Variants in SPINDOC observed in about 807,000 individuals in gnomAD.
SPINDOC encodes the protein spindlin interactor and repressor of chromatin-binding protein.
A neutral mutation model predicts 30.7 loss-of-function variants in SPINDOC; 13 were observed. The observed-to-expected ratio is 0.42, with a 90% CI of 0.28 to 0.67. The LOEUF is 0.67. Among genes scored for constraint, SPINDOC ranks in the 30% least tolerant of loss-of-function variants. SPINDOC has a pLI of 0.22. For synonymous variants in SPINDOC, 228 were observed against 211.4 expected (o/e 1.08, Z -0.68); for missense variants, 438 against 518.0 (o/e 0.85, Z 1.50).
Position 63,827,191 on chromosome 11 carries a change from G to A in SPINDOC, c.*52G>A. ...AGGGATGAGGCAGCGTCCCCCAGTG[G>A]CTTATAACTCAGAGCTGCCTGGCTC... On this transcript the variant is annotated 3_prime_UTR_variant, in exon 6 of 6. Transcript: ENST00000294244. The A allele has an allele frequency of 6.3e-7, 1 of 1,593,796 alleles. No homozygotes were observed. Among genetic ancestry groups the A allele is most frequent in the East Asian group, 2.3e-5 (1 of 44,244 alleles).
rs1193227262 is a variant in SPINDOC at position 63,818,235 on chromosome 11, C to T, written c.477C>T (p.His159=). The T allele has an allele frequency of 1.9e-6, 3 of 1,613,996 alleles. No homozygotes were observed. The highest frequency in any genetic ancestry group is 4.5e-5 in the East Asian group (2 of 44,884). ...CTGCAGACTCGGGCCAGGATGCCCA[C>T]CCAGACCCAGACGCCAACCCAGACG... is the stretch of plus-strand genomic sequence containing the variant. ...PPNSDSGQDA[H]PDPDANPDAA... is the part of the protein sequence containing the mutation. Residue 159 remains histidine, a synonymous_variant, in exon 3 of 6, where the codon CAC becomes CAT. Transcript: ENST00000294244. This position sits in a 1 kb window ranked among gnomAD's most constrained non-coding sequence, Gnocchi z 5.3.
chr11:63,818,987 G>T lies in SPINDOC; in HGVS notation c.919G>T (p.Glu307Ter). 6.2e-7 allele frequency: 1 copy of T among 1,613,712 alleles called. No individual in the cohort carries two copies. Residue 307 changes from glutamate (E) to a stop codon, truncating the protein, a stop_gained, in exon 5 of 6, where the codon GAG becomes TAG. Transcript: ENST00000294244. LOFTEE classifies it high-confidence loss of function. The surrounding 1 kb of genome is among the most constrained non-coding windows in gnomAD (Gnocchi z 5.3). ...EVAEGGLPRA[E>*]SPSPAPPPGL... ...GGCAGAAGGAGGCCTTCCCCGGGCG[G>T]AGAGCCCCTCTCCAGGTGAGCCCTC...
At chr11:63,823,010 T>C in intron 5 of SPINDOC, 1 of 1,045,434 alleles carries the variant, frequency 9.6e-7, no homozygotes, top group Admixed American at 2.4e-5. Context: ...AGGTTGGAGA[T>C]GCCTGGGAAA....
chr11:63,822,748 C>T, intron 5 of SPINDOC: 1 of 1,289,046 alleles, frequency 7.8e-7, no homozygotes, highest in Non-Finnish European at 1.0e-6. Flanking sequence ...AATGGCTGAC[C>T]TCTTCCACTG....
intron 5 of SPINDOC, chr11:63,822,747 C>T (rs931385678): frequency 3.9e-6 from 5 of 1,288,904 alleles, no homozygotes; most frequent in Non-Finnish European, 5.1e-6. Flanking sequence ...AAATGGCTGA[C>T]CTCTTCCACT....
At chr11:63,813,939 C>T (rs969130642) in intron 1 of SPINDOC, 126 bp downstream of exon 1, 12 of 1,244,296 alleles carry the variant, frequency 9.6e-6, no homozygotes, top group African/African-American at 6.2e-5. Flanking sequence ...CCCAGGTTTC[C>T]CTCTCGGATC....
intron 1 of SPINDOC, among the ~76,000 whole-genome samples, chr11:63,814,324 C>T (rs1420443021): frequency 1.3e-5 from 2 of 152,238 alleles, no homozygotes; most frequent in Non-Finnish European, 2.9e-5. Flanking sequence ...GCCCACCACC[C>T]CGCTTCATTC....
chr11:63,823,023 A>G (rs970272167), intron 5 of SPINDOC: 12 of 1,052,662 alleles, frequency 1.1e-5, no homozygotes, highest in Non-Finnish European at 1.4e-5. Flanking sequence ...CTGGGAAACC[A>G]TAGAGGATAC....
chr11:63,826,719 G>A (rs1316014652), intron 5 of SPINDOC, among the ~76,000 whole-genome samples: 2 of 152,200 alleles, frequency 1.3e-5, no homozygotes, highest in East Asian at 1.9e-4. Flanking sequence ...GGGAGGCTGT[G>A]CGCCTCATTT....
chr11:63,814,072 C>T (rs897875452), intron 1 of SPINDOC, among the ~76,000 whole-genome samples: 1 of 152,242 alleles, frequency 6.6e-6, no homozygotes, highest in African/African-American at 2.4e-5. Flanking sequence ...ACGCCCCGCA[C>T]GCTCCGGATC....
chr11:63,820,211 G>A (rs975422235), intron 5 of SPINDOC, among the ~76,000 whole-genome samples: 8 of 151,564 alleles, frequency 5.3e-5, no homozygotes, highest in South Asian at 4.2e-4. Context: ...CAACCTGGCC[G>A]ATATGGCGAA....
intron 5 of SPINDOC, among the ~76,000 whole-genome samples, chr11:63,823,877 C>T (rs1253989424): frequency 6.7e-6 from 1 of 150,226 alleles, no homozygotes; most frequent in African/African-American, 2.5e-5. Context: ...GGATTACAGG[C>T]GTGAGCCACT....
chr11:63,825,603 G>T (rs1356235969), intron 5 of SPINDOC, among the ~76,000 whole-genome samples: 1 of 152,140 alleles, frequency 6.6e-6, no homozygotes, highest in Non-Finnish European at 1.5e-5. Flanking sequence ...AATCCAAACG[G>T]CATTGGGCAT....
intron 5 of SPINDOC, chr11:63,823,363 T>A (rs961625145): frequency 8.5e-7 from 1 of 1,174,084 alleles, no homozygotes; most frequent in African/African-American, 1.6e-5. Context: ...CCTGCCACTT[T>A]AAAAAAAATT....
rs1010357697 is a variant in SPINDOC, at chr11:63,813,579, G to A, written c.-108G>A. ...GCGGGGAGGGGGCTGCGCGGGGCGGGCGGCGGGCCCGGCGCTATTCCGGCC... is the reference window on the plus strand; with the variant it reads ...GCGGGGAGGGGGCTGCGCGGGGCGGACGGCGGGCCCGGCGCTATTCCGGCC... On this transcript the variant is annotated 5_prime_UTR_variant, in exon 1 of 6. Coordinates refer to ENST00000294244, the MANE Select transcript of SPINDOC (RefSeq NM_138471.3). 4.0e-6 allele frequency: 4 copies of A among 993,992 alleles called. No individual in the cohort carries two copies. The highest frequency in any genetic ancestry group is 1.1e-4 in the Admixed American group (2 of 18,030). 61.6% of individuals were successfully genotyped at this position (993,992 alleles called of 1,614,324 possible).
intron 1 of SPINDOC, among the ~76,000 whole-genome samples, chr11:63,814,491 C>T (rs1192290932): frequency 6.6e-6 from 1 of 152,146 alleles, no homozygotes. Flanking sequence ...TCAGAACACT[C>T]GCTCTCCCCT....
intron 5 of SPINDOC, chr11:63,822,897 G>T: frequency 7.8e-7 from 1 of 1,287,316 alleles, no homozygotes; most frequent in African/African-American, 1.5e-5. Context: ...TCTTTGGGGT[G>T]AGTGGGCAAA....
In SPINDOC at chr11:63,823,122, A is replaced by G. The variant is rs920103804; in HGVS notation, c.935-3806A>G. ...AGTGAGACAGCCTTTGTCCCCCAAA[A>G]TTCTGTGTCCAGGTATATAGGCTGG... On this transcript the variant is annotated intron_variant, in intron 5 of 5. Coordinates refer to ENST00000294244, the MANE Select transcript of SPINDOC (RefSeq NM_138471.3). 6 of 1,288,034 alleles carry G rather than the reference A, an allele frequency of 4.7e-6. No homozygotes were observed. The African/African-American group carries it at 9.1e-5, about 20-fold the overall frequency. 79.8% of individuals were successfully genotyped at this position (1,288,034 alleles called of 1,614,324 possible).
At chr11:63,823,217 G>C in intron 5 of SPINDOC, 8 of 1,288,302 alleles carry the variant, frequency 6.2e-6, no homozygotes, top group Non-Finnish European at 6.1e-6. Flanking sequence ...CTGGACCTGT[G>C]GTTTCAGACG....
Sources: allele counts gnomAD v4.1 joint callset (sites outside exome capture counted in the v4.1 genomes callset), GRCh38; gene constraint gnomAD v4.1.1; non-coding constraint Gnocchi (gnomAD v3.1); transcripts MANE v1.5; gene names NCBI Gene and HGNC (gene_info 2026-07-23, HGNC 2026-07-21).